Variants in BLTP2 observed in about 807,000 individuals in gnomAD.
BLTP2 encodes the protein U937-associated antigen.
At chr17:28,641,908 A>C in the BLTP2 span, 2 of 1,613,176 alleles carry the variant, frequency 1.2e-6, no homozygotes, top group African/African-American at 1.3e-5. Context: ...GAACAGGCTT[A>C]GATGCTAGGC....
chr17:28,631,742 G>A, the BLTP2 span: 8 of 1,602,058 alleles, frequency 5.0e-6, no homozygotes, highest in African/African-American at 9.4e-5. Flanking sequence ...GTAAGACAGA[G>A]ATGGAGGAGG....
chr17:28,643,048 G>C, the BLTP2 span: 2 of 1,522,520 alleles, frequency 1.3e-6, no homozygotes, highest in South Asian at 1.1e-5. Context: ...TTCCTTTCCA[G>C]ATGAGAAAGA....
At chr17:28,641,534 G>C in the BLTP2 span, among the ~76,000 whole-genome samples, 1 of 152,090 alleles carries the variant, frequency 6.6e-6, no homozygotes, top group Non-Finnish European at 1.5e-5. Flanking sequence ...CAGCTACTCA[G>C]GAGGCTGAGG....
chr17:28,634,190 G>A, the BLTP2 span: 14 of 1,019,776 alleles, frequency 1.4e-5, no homozygotes, highest in Non-Finnish European at 1.8e-5. Flanking sequence ...TATTTACAAA[G>A]TCAATTGAGA....
chr17:28,618,330 C>G, the BLTP2 span, among the ~76,000 whole-genome samples: 2 of 152,032 alleles, frequency 1.3e-5, no homozygotes, highest in African/African-American at 4.8e-5. Flanking sequence ...CAGCTCACTG[C>G]AGGCTCGAAC....
the BLTP2 span, chr17:28,617,237 A>G: frequency 1.2e-6 from 2 of 1,613,582 alleles, no homozygotes; most frequent in Non-Finnish European, 1.7e-6. Flanking sequence ...CTTGCCTTAT[A>G]GACAGCATTG....
the BLTP2 span, among the ~76,000 whole-genome samples, chr17:28,630,965 C>G: frequency 1.3e-5 from 2 of 152,074 alleles, no homozygotes; most frequent in Non-Finnish European, 2.9e-5. Flanking sequence ...GATGCTGATA[C>G]AGCTAAACCA....
At chr17:28,640,161 G>A in the BLTP2 span, 27 of 883,950 alleles carry the variant, frequency 3.1e-5, no homozygotes, top group South Asian at 6.8e-5. Flanking sequence ...TTGGGAGGCC[G>A]AGGCAGGGGG....
the BLTP2 span, chr17:28,638,579 G>A: frequency 4.3e-6 from 7 of 1,613,932 alleles, no homozygotes; most frequent in South Asian, 1.1e-5. Flanking sequence ...CAAGTTGAAT[G>A]GAAATGTTGA....
At chr17:28,638,357 G>A in the BLTP2 span, 1 of 1,614,170 alleles carries the variant, frequency 6.2e-7, no homozygotes, top group East Asian at 2.2e-5. Flanking sequence ...GCCAGCAGAG[G>A]TGGTCCACAG....
At chr17:28,640,653 A>G in the BLTP2 span, 1 of 1,614,062 alleles carries the variant, frequency 6.2e-7, no homozygotes, top group Non-Finnish European at 8.5e-7. Flanking sequence ...TAGGCCAGGC[A>G]GAGTTGGCTC....
At chr17:28,621,632 C>A in the BLTP2 span, 154 of 667,808 alleles carry the variant, frequency 2.3e-4, no homozygotes, top group Non-Finnish European at 3.7e-4. Context: ...ATAGCTTGAA[C>A]CATATCTCCC....
chr17:28,637,845 C>A, the BLTP2 span: 1 of 1,613,786 alleles, frequency 6.2e-7, no homozygotes, highest in East Asian at 2.2e-5. Context: ...CCAACCAAGG[C>A]AGAAAGGGTA....
chr17:28,625,345 A>AC, the BLTP2 span, among the ~76,000 whole-genome samples: 1 of 150,142 alleles, frequency 6.7e-6, no homozygotes, highest in African/African-American at 2.4e-5. Flanking sequence ...AAAAAAAAAA[A>AC]AAAAAAAAAA....
chr17:28,621,325 G>C, the BLTP2 span: 2 of 1,438,902 alleles, frequency 1.4e-6, no homozygotes, highest in Non-Finnish European at 2.0e-6. Context: ...GTTAAGAATA[G>C]GTAGGGAAAT....
the BLTP2 span, among the ~76,000 whole-genome samples, chr17:28,625,440 A>AT: frequency 1.3e-5 from 2 of 152,068 alleles, no homozygotes; most frequent in African/African-American, 4.8e-5. Context: ...AAATTCCCAA[A>AT]TATCTATCTT....
the BLTP2 span, among the ~76,000 whole-genome samples, chr17:28,625,076 G>A: frequency 2.0e-5 from 3 of 152,030 alleles, no homozygotes; most frequent in South Asian, 4.2e-4. Context: ...GGTGGCTCAC[G>A]CCTGTAATCC....
At chr17:28,637,126 C>T in the BLTP2 span, 2 of 1,614,084 alleles carry the variant, frequency 1.2e-6, no homozygotes, top group Non-Finnish European at 1.7e-6. Context: ...GACGTCTCTG[C>T]ACTGCCCAGG....
the BLTP2 span, chr17:28,619,674 T>C: frequency 5.0e-6 from 8 of 1,613,942 alleles, no homozygotes; most frequent in Non-Finnish European, 6.8e-6. Context: ...TATTCAGTTC[T>C]TCACTTTCCA....
Sources: gnomAD v4.1 joint callset for allele counts (sites outside exome capture counted in the v4.1 genomes callset) on GRCh38, gnomAD v4.1.1 for gene constraint, MANE v1.5 for transcripts, NCBI Gene and HGNC (gene_info 2026-07-23, HGNC 2026-07-21) for gene names.